Variants in DPY19L4 observed in about 807,000 individuals in gnomAD.
The protein encoded by DPY19L4 is probable C-mannosyltransferase DPY19L4.
DPY19L4 carries 97 observed loss-of-function variants against 102.8 expected under a neutral mutation model. The ratio of observed to expected loss-of-function variants is 0.94; its 90% CI spans 0.80 to 1.12. The LOEUF is 1.12. DPY19L4 is among the 50% of genes most tolerant of loss of function. DPY19L4 has a pLI of 0.00. For missense variants in DPY19L4, 815 were observed against 850.4 expected (o/e 0.96, Z 0.52); for synonymous variants, 252 against 283.1 (o/e 0.89, Z 1.10).
intron 6 of DPY19L4, 109 bp from the exon 7 acceptor site, chr8:94,755,927 A>C (rs1812144011): frequency 4.2e-6 from 5 of 1,195,254 alleles, no homozygotes; most frequent in Non-Finnish European, 4.6e-6. Context: ...TGCCTACCTC[A>C]CAGGATTGTT....
chr8:94,761,220 A>G (rs1026029118), intron 7 of DPY19L4, among the ~76,000 whole-genome samples: 2 of 152,200 alleles, frequency 1.3e-5, no homozygotes, highest in African/African-American at 4.8e-5. Flanking sequence ...AACTCCAGAA[A>G]GCAGCTACCA....
intron 2 of DPY19L4, among the ~76,000 whole-genome samples, chr8:94,727,624 T>C (rs1050811224): frequency 6.6e-6 from 1 of 152,228 alleles, no homozygotes; most frequent in Non-Finnish European, 1.5e-5. Flanking sequence ...AAACCAGGCA[T>C]AGGCTTCCAA....
chr8:94,753,545 A>G (rs745459014), intron 6 of DPY19L4, among the ~76,000 whole-genome samples: 4 of 152,186 alleles, frequency 2.6e-5, no homozygotes, highest in Non-Finnish European at 5.9e-5. Context: ...AATGGTCAAA[A>G]TATAATTTTG....
At chr8:94,773,606 T>G (rs913820979) in intron 13 of DPY19L4, among the ~76,000 whole-genome samples, 31 of 151,770 alleles carry the variant, frequency 2.0e-4, no homozygotes, top group African/African-American at 7.3e-4. Flanking sequence ...GATTTTGTAT[T>G]TTGAGTAGAG....
At chr8:94,758,130 G>A (rs1394136052) in intron 7 of DPY19L4, among the ~76,000 whole-genome samples, 2 of 151,872 alleles carry the variant, frequency 1.3e-5, no homozygotes, top group East Asian at 1.9e-4. Flanking sequence ...ATAGAGTTTG[G>A]TATAGCAAAA....
At chr8:94,787,772 T>C in intron 17 of DPY19L4, 122 bp from the exon 18 acceptor site, 1 of 311,872 alleles carries the variant, frequency 3.2e-6, no homozygotes, top group Non-Finnish European at 5.5e-6. Flanking sequence ...TTTTCATATA[T>C]AATCGTACTT....
intron 11 of DPY19L4, among the ~76,000 whole-genome samples, chr8:94,767,844 T>C (rs1406836235): frequency 6.6e-6 from 1 of 152,164 alleles, no homozygotes; most frequent in Non-Finnish European, 1.5e-5. Flanking sequence ...GTGAAATTAA[T>C]TTTAATATAT....
rs571440528 is a variant in DPY19L4 at position 94,730,997 on chromosome 8, G to A, written c.128-3633G>A. Among the ~76,000 whole-genome samples, 95 of 147,404 alleles carry A rather than the reference G, an allele frequency of 6.4e-4. 1 individual carries two copies. In the East Asian group the frequency reaches 0.017, roughly 27 times the overall value. On this transcript the variant is annotated intron_variant, in intron 2 of 18. Transcript: ENST00000414645. ...CGACCTCAGGTGATCCACCAGCCTC[G>A]GCCTCCCAAAGTGCTGGGATTACAG...
At chr8:94,732,451 G>C (rs527521126) in intron 2 of DPY19L4, among the ~76,000 whole-genome samples, 2 of 152,224 alleles carry the variant, frequency 1.3e-5, no homozygotes, top group East Asian at 3.9e-4. Flanking sequence ...CAGCACTTTA[G>C]GAAGCCAAAG....
At chr8:94,727,936 G>T (rs907972383) in intron 2 of DPY19L4, among the ~76,000 whole-genome samples, 1 of 152,050 alleles carries the variant, frequency 6.6e-6, no homozygotes, top group Admixed American at 6.6e-5. Flanking sequence ...TACCTTGCAA[G>T]CAGGGCTTTC....
chr8:94,761,061 T>G lies in DPY19L4; in HGVS notation c.736-639T>G, dbSNP rs112173446. Among the ~76,000 whole-genome samples, 577 of 152,302 alleles carry G rather than the reference T, an allele frequency of 3.8e-3. 2 individuals are homozygous for G. Among genetic ancestry groups the G allele is most frequent in the African/African-American group, 0.013 (546 of 41,568 alleles). ...TGTAAGCAGACTATTTAAATGAAGT[T>G]CTTAGGAAAATAAGTTCTGAACCCT... On this transcript the variant is annotated intron_variant, in intron 7 of 18. Transcript: ENST00000414645.
chr8:94,789,851 T>C lies in DPY19L4; in HGVS notation c.2113T>C (p.Tyr705His), dbSNP rs185469101. ...ATATGTGAATTATTTCACTAGAGTA[T>C]ACTGGAACAGATCCTACTTTGTATA... ...SPYVNYFTRV[Y>H]WNRSYFVYKI... The change falls in exon 19 of 19, where the codon TAC (tyrosine) becomes CAC (histidine). Residue 705 changes from tyrosine (Y) to histidine (H), a missense_variant. By Grantham distance (83) the Tyr-to-His change is moderately conservative. Transcript: ENST00000414645. The C allele has an allele frequency of 2.7e-5, 43 of 1,610,156 alleles. No individual in the cohort carries two copies. The East Asian group carries it at 3.4e-4, about 13-fold the overall frequency.
intron 11 of DPY19L4, among the ~76,000 whole-genome samples, chr8:94,767,968 G>A (rs182452205): frequency 7.4e-4 from 112 of 151,964 alleles, no homozygotes; most frequent in Non-Finnish European, 1.4e-3. Context: ...GGTGTATTTT[G>A]TACTTAAAGT....
In DPY19L4 at chr8:94,768,554, G is replaced by A; in HGVS notation, c.1334+1G>A. 5 of 1,448,228 alleles carry A rather than the reference G, an allele frequency of 3.5e-6. No homozygotes were observed. Among genetic ancestry groups the A allele is most frequent in the Non-Finnish European group, 4.8e-6 (5 of 1,052,120 alleles). The allele number at this position is 1,448,228 out of a possible 1,614,324, so 89.7% of individuals were successfully genotyped here. The stretch of plus-strand genomic sequence containing the variant: ...TGCAAGTTATTTTTAGGAGGATTAA[G>A]TAAGTACCTATGAGAATCAATCATA... On this transcript the variant is annotated splice_donor_variant, in intron 12 of 18. Coordinates refer to ENST00000414645, the MANE Select transcript of DPY19L4 (RefSeq NM_181787.3). LOFTEE classifies it high-confidence loss of function.
At chr8:94,745,411 G>A (rs926884663) in intron 6 of DPY19L4, among the ~76,000 whole-genome samples, 5 of 152,160 alleles carry the variant, frequency 3.3e-5, no homozygotes, top group Admixed American at 3.3e-4. Context: ...TTATATTTGA[G>A]GAGTGCTGAA....
chr8:94,788,999 T>C (rs1206011072), intron 18 of DPY19L4, among the ~76,000 whole-genome samples: 1 of 152,230 alleles, frequency 6.6e-6, no homozygotes, highest in Admixed American at 6.5e-5. Context: ...AATTTCTCTG[T>C]TGGTACTTAG....
intron 3 of DPY19L4, among the ~76,000 whole-genome samples, chr8:94,735,432 CTA>C (rs1421730618): frequency 2.0e-5 from 3 of 152,142 alleles, no homozygotes; most frequent in Non-Finnish European, 4.4e-5. Flanking sequence ...TAATTACTGA[CTA>C]TATCTGTCTT....
rs1316517200 is a variant in DPY19L4 at position 94,739,434 on chromosome 8, A to T, written c.365A>T (p.Asn122Ile). 2 of 1,588,586 alleles carry T rather than the reference A, an allele frequency of 1.3e-6. No homozygotes were observed. Among genetic ancestry groups the T allele is most frequent in the Non-Finnish European group, 8.5e-7 (1 of 1,172,280 alleles). ...FERGVYELTH[N>I]NKTVSLKTIN... ...TTAGGTGTTTACGAACTGACACACA[A>T]TAACAAAACTGTATCTCTGAAGACT... The change falls in exon 5 of 19, where the codon AAT becomes ATT. Residue 122 changes from asparagine to isoleucine, a missense_variant. Transcript: ENST00000414645.
intron 12 of DPY19L4, among the ~76,000 whole-genome samples, chr8:94,769,084 G>A (rs62524300): frequency 0.015 from 2,090 of 140,330 alleles, 19 homozygotes; most frequent in Non-Finnish European, 0.023. Flanking sequence ...TTTTTGAGAC[G>A]GAGTCTTGCT....
Sources: gnomAD v4.1 joint callset for allele counts (sites outside exome capture counted in the v4.1 genomes callset) on GRCh38, gnomAD v4.1.1 for gene constraint, MANE v1.5 for transcripts, NCBI Gene and HGNC (gene_info 2026-07-23, HGNC 2026-07-21) for gene names.